Variants in SEMA5A observed in about 807,000 individuals in gnomAD.
The protein encoded by SEMA5A is semaphorin 5A, also known as semaphorin-5A.
SEMA5A carries 55 observed loss-of-function variants against 135.5 expected under a neutral mutation model. That is an observed-to-expected ratio of 0.41 (90% CI 0.33 to 0.51). The LOEUF (loss-of-function observed/expected upper bound fraction) is 0.51. SEMA5A is among the 20% of genes least tolerant of loss of function. The probability of loss-of-function intolerance (pLI) is 0.37; values close to 1 mark genes in which losing one functional copy is unlikely to be tolerated. For synonymous variants in SEMA5A, 580 were observed against 546.5 expected, an observed-to-expected ratio of 1.06 and a Z score of -0.85; for missense variants, 1,290 against 1,419.9, an observed-to-expected ratio of 0.91 and a Z score of 1.47.
chr5:9,079,669 C>T (rs546545913), intron 16 of SEMA5A, among the ~76,000 whole-genome samples: 3 of 151,978 alleles, frequency 2.0e-5, no homozygotes, highest in Non-Finnish European at 4.4e-5. Context: ...TATCCAGAAT[C>T]TACAAAGAAC....
intron 16 of SEMA5A, among the ~76,000 whole-genome samples, chr5:9,077,033 C>G (rs955717317): frequency 5.3e-5 from 8 of 152,144 alleles, no homozygotes; most frequent in African/African-American, 1.9e-4. Context: ...ATACAATCAC[C>G]TTCCATGGGA....
chr5:9,376,570 G>T (rs1755371618), intron 3 of SEMA5A, among the ~76,000 whole-genome samples: 1 of 152,140 alleles, frequency 6.6e-6, no homozygotes. Flanking sequence ...TTACGCAATG[G>T]CCCTTTTGGT....
chr5:9,182,770 G>T (rs543894837), intron 11 of SEMA5A, among the ~76,000 whole-genome samples: 2 of 151,598 alleles, frequency 1.3e-5, no homozygotes, highest in South Asian at 4.2e-4. Flanking sequence ...AGTACTGTTG[G>T]TTTAGAAAGA....
In SEMA5A at chr5:9,190,392, T is replaced by G; in HGVS notation, c.1148A>C (p.His383Pro). ...TGTGGTCACTGGCTGTACCACCTCA[T>G]GCATCAGAATGAACTTCTGAGCATC... ...LQDAQKFILM[H>P]EVVQPVTTVP... The change falls in exon 11 of 23, where the codon CAT becomes CCT. Residue 383 changes from histidine to proline, a missense_variant. Coordinates refer to ENST00000382496, the MANE Select transcript of SEMA5A (RefSeq NM_003966.3). The G allele has an allele frequency of 6.2e-7, 1 of 1,614,074 alleles. No individual in the cohort carries two copies. Among genetic ancestry groups the G allele is most frequent in the Non-Finnish European group, 8.5e-7 (1 of 1,180,034 alleles).
At chr5:9,487,958 T>C (rs1027115678) in intron 1 of SEMA5A, among the ~76,000 whole-genome samples, 1 of 152,180 alleles carries the variant, frequency 6.6e-6, no homozygotes, top group African/African-American at 2.4e-5. Flanking sequence ...GGGCCAAAAA[T>C]GTGGACTAAT....
At position 9,310,858 on chromosome 5, in the gene SEMA5A, A is replaced by G. The variant is rs955229757; in HGVS notation, c.270+7514T>C. Among the ~76,000 whole-genome samples, 3 of 149,432 alleles carry G rather than the reference A, an allele frequency of 2.0e-5. No homozygotes were observed. The Admixed American group carries it at 2.0e-4, about 10-fold the overall frequency. On this transcript the variant is annotated intron_variant, in intron 5 of 22. Transcript: ENST00000382496. The stretch of plus-strand genomic sequence containing the variant: ...ATGTGTATATATATACACACAATAT[A>G]TATATTGCATATATAATATATATAT...
chr5:9,391,724 A>C (rs1006357825), intron 2 of SEMA5A, among the ~76,000 whole-genome samples: 2 of 152,116 alleles, frequency 1.3e-5, no homozygotes, highest in African/African-American at 4.8e-5. Flanking sequence ...AGCTATTCTA[A>C]TGTGCCTTGG....
chr5:9,122,938 A>T, intron 13 of SEMA5A, 101 bp from the exon 14 acceptor site: 1 of 1,107,016 alleles, frequency 9.0e-7, no homozygotes. Context: ...AAACTCCTCT[A>T]GAATTTGTTG....
At chr5:9,483,047 TA>T (rs1759935648) in intron 1 of SEMA5A, among the ~76,000 whole-genome samples, 1 of 152,216 alleles carries the variant, frequency 6.6e-6, no homozygotes, top group Admixed American at 6.5e-5. Flanking sequence ...AATATTGCAT[TA>T]AATTGCCATG....
In SEMA5A at chr5:9,379,952, G is replaced by T; in HGVS notation, c.-6C>A. On this transcript the variant is annotated 5_prime_UTR_variant, in exon 3 of 23. An upstream open reading frame in the 5' UTR gains an earlier in-frame stop. Coordinates refer to ENST00000382496, the MANE Select transcript of SEMA5A (RefSeq NM_003966.3). ...ATAACACAGGTTCCCTTCATGGTGG[G>T]CAAGGGGCCTCTGACTCTGGGCACG... is the stretch of plus-strand genomic sequence containing the variant. 3 of 1,607,672 alleles carry T rather than the reference G, an allele frequency of 1.9e-6. No homozygotes were observed. Among genetic ancestry groups the T allele is most frequent in the Non-Finnish European group, 2.6e-6 (3 of 1,176,458 alleles).
intron 1 of SEMA5A, among the ~76,000 whole-genome samples, chr5:9,466,099 G>A (rs1759248012): frequency 6.6e-6 from 1 of 152,098 alleles, no homozygotes; most frequent in African/African-American, 2.4e-5. Flanking sequence ...TGAGAGTTGG[G>A]GGTGCAAGTA....
intron 8 of SEMA5A, among the ~76,000 whole-genome samples, chr5:9,203,377 T>C (rs1745828371): frequency 6.6e-6 from 1 of 152,214 alleles, no homozygotes. Flanking sequence ...ATTGGCCTTG[T>C]ACCTTTCCAG....
intron 4 of SEMA5A, among the ~76,000 whole-genome samples, chr5:9,322,035 G>A (rs2150677616): frequency 6.6e-6 from 1 of 152,268 alleles, no homozygotes; most frequent in Non-Finnish European, 1.5e-5. Flanking sequence ...CTGTCTACTT[G>A]GAGAGGGGAG....
chr5:9,455,269 T>C (rs572933126), intron 1 of SEMA5A, among the ~76,000 whole-genome samples: 12 of 151,538 alleles, frequency 7.9e-5, no homozygotes, highest in African/African-American at 1.9e-4. Flanking sequence ...TTTTTTTTTT[T>C]TTTTGAGACA....
intron 3 of SEMA5A, among the ~76,000 whole-genome samples, chr5:9,354,573 T>C (rs1415248822): frequency 6.6e-6 from 1 of 152,146 alleles, no homozygotes; most frequent in Admixed American, 6.5e-5. Context: ...CATTCAAGCC[T>C]TCGGGCAGCA....
At chr5:9,329,413 G>A (rs949521905) in intron 4 of SEMA5A, among the ~76,000 whole-genome samples, 3 of 152,198 alleles carry the variant, frequency 2.0e-5, no homozygotes, top group African/African-American at 4.8e-5. Context: ...AAAAACAGGA[G>A]GCAACTCTGG....
intron 16 of SEMA5A, among the ~76,000 whole-genome samples, chr5:9,087,376 T>C (rs1284927386): frequency 6.6e-6 from 1 of 152,164 alleles, no homozygotes; most frequent in Non-Finnish European, 1.5e-5. Flanking sequence ...ATAAAATAAA[T>C]AATTATCCAA....
chr5:9,381,326 CA>C (rs1445475633), intron 2 of SEMA5A, among the ~76,000 whole-genome samples: 2 of 152,170 alleles, frequency 1.3e-5, no homozygotes, highest in Non-Finnish European at 2.9e-5. Context: ...ACATAGTACA[CA>C]ATAACTGTGG....
At chr5:9,129,235 C>G (rs1215390772) in intron 13 of SEMA5A, among the ~76,000 whole-genome samples, 1 of 152,180 alleles carries the variant, frequency 6.6e-6, no homozygotes, top group African/African-American at 2.4e-5. Context: ...TTACCAAACC[C>G]TGGAAAGAAA....
Sources: allele counts gnomAD v4.1 joint callset (sites outside exome capture counted in the v4.1 genomes callset), GRCh38; gene constraint gnomAD v4.1.1; transcripts MANE v1.5; gene names NCBI Gene and HGNC (gene_info 2026-07-23, HGNC 2026-07-21).